C6orf118: variants seen among roughly 807,000 people sequenced by gnomAD.
C6orf118 encodes the protein uncharacterized protein C6orf118.
In C6orf118, 50 loss-of-function variants were observed where a neutral mutation model predicts 50.2. The observed-to-expected ratio is 1.00, with a 90% CI of 0.79 to 1.26. The LOEUF is 1.26. Ranked by LOEUF, C6orf118 falls within the 50% of genes most tolerant of loss-of-function variation. The probability of loss-of-function intolerance (pLI) is 0.00; values close to 1 mark genes in which losing one functional copy is unlikely to be tolerated. For missense variants in C6orf118, 641 were observed against 578.7 expected (o/e 1.11, Z -1.10); for synonymous variants, 239 against 230.9 (o/e 1.03, Z -0.32).
intron 6 of C6orf118, among the ~76,000 whole-genome samples, chr6:165,290,410 G>A (rs1029291615): frequency 6.6e-6 from 1 of 152,058 alleles, no homozygotes; most frequent in Non-Finnish European, 1.5e-5. Flanking sequence ...AGCAGAAGGT[G>A]CAACGGTAAG....
intron 1 of C6orf118, among the ~76,000 whole-genome samples, chr6:165,308,857 A>G (rs1256747468): frequency 3.3e-5 from 5 of 152,198 alleles, no homozygotes; most frequent in African/African-American, 1.2e-4. Flanking sequence ...GCATTCTGAT[A>G]TCACACAATA....
intron 6 of C6orf118, among the ~76,000 whole-genome samples, chr6:165,291,764 C>A (rs1780113516): frequency 6.6e-6 from 1 of 152,156 alleles, no homozygotes; most frequent in Non-Finnish European, 1.5e-5. Flanking sequence ...ATGGAGACAT[C>A]AAGTGATCCA....
chr6:165,302,072 G>T lies in C6orf118; in HGVS notation c.250C>A (p.His84Asn). 6.2e-7 allele frequency: 1 copy of T among 1,613,876 alleles called. No homozygotes were observed. The highest frequency in any genetic ancestry group is 8.5e-7 in the Non-Finnish European group (1 of 1,179,994). ...ETILQHWPNA[H>N]RPKGERASEV... The stretch of plus-strand genomic sequence containing the variant: ...GAGGCGCGCTCCCCCTTGGGCCGGT[G>T]GGCATTGGGCCAGTGCTGTAAGATC... Residue 84 changes from histidine to asparagine, a missense_variant, in exon 2 of 9, where the codon CAC becomes AAC. By Grantham distance (68) the His-to-Asn change is moderately conservative. Coordinates refer to ENST00000230301, the MANE Select transcript of C6orf118 (RefSeq NM_144980.4).
chr6:165,282,942 T>C (rs1203432541), intron 7 of C6orf118, among the ~76,000 whole-genome samples: 1 of 152,196 alleles, frequency 6.6e-6, no homozygotes, highest in Non-Finnish European at 1.5e-5. Context: ...CCATTACTGT[T>C]TTAAAATGCA....
intron 4 of C6orf118, among the ~76,000 whole-genome samples, chr6:165,299,161 G>T (rs1273516038): frequency 6.6e-6 from 1 of 152,194 alleles, no homozygotes; most frequent in Non-Finnish European, 1.5e-5. Flanking sequence ...GTGGTTTTTG[G>T]AAATTACTGG....
chr6:165,303,192 C>A (rs370661995), intron 1 of C6orf118, among the ~76,000 whole-genome samples: 4 of 152,154 alleles, frequency 2.6e-5, no homozygotes, highest in Non-Finnish European at 4.4e-5. Context: ...TCAACCAAGG[C>A]GGCTGAATAC....
At position 165,302,064 on chromosome 6, in the gene C6orf118, G is replaced by A; in HGVS notation, c.258C>T (p.Pro86=). The change falls in exon 2 of 9, where the codon CCC becomes CCT. Residue 86 remains proline (P), a synonymous_variant. Coordinates refer to ENST00000230301, the MANE Select transcript of C6orf118 (RefSeq NM_144980.4). ...CCACCTCAGAGGCGCGCTCCCCCTT[G>A]GGCCGGTGGGCATTGGGCCAGTGCT... ...ILQHWPNAHR[P]KGERASEVGE... is the part of the protein sequence containing the mutation. 1 of 1,613,892 alleles carries A rather than the reference G, an allele frequency of 6.2e-7. No homozygotes were observed. Among genetic ancestry groups the A allele is most frequent in the Non-Finnish European group, 8.5e-7 (1 of 1,179,996 alleles).
At chr6:165,301,522 G>T (rs770965458) in intron 2 of C6orf118, 47 bp downstream of exon 2, 1 of 1,564,648 alleles carries the variant, frequency 6.4e-7, no homozygotes, top group Non-Finnish European at 8.6e-7. Flanking sequence ...CGAGAGCTAT[G>T]CCCTGAGAGC....
chr6:165,295,648 TG>T (rs529858595), intron 5 of C6orf118, among the ~76,000 whole-genome samples: 8,844 of 121,076 alleles, frequency 0.073, 304 homozygotes, highest in Non-Finnish European at 0.092. Context: ...ATTGATTTAT[TG>T]TTTTTTTTTT....
intron 2 of C6orf118, among the ~76,000 whole-genome samples, chr6:165,301,045 C>G (rs1247112597): frequency 1.3e-5 from 2 of 152,168 alleles, no homozygotes; most frequent in Non-Finnish European, 2.9e-5. Flanking sequence ...CTACGAACAT[C>G]TGATTTACTG....
intron 4 of C6orf118, 108 bp from the exon 5 acceptor site, chr6:165,298,209 T>A: frequency 1.5e-6 from 2 of 1,352,262 alleles, no homozygotes; most frequent in Non-Finnish European, 1.9e-6. Context: ...GGTTAACATA[T>A]AAGTTCTAGT....
In C6orf118 at chr6:165,301,752, G is replaced by C; in HGVS notation, c.570C>G (p.Ala190=). The stretch of plus-strand genomic sequence containing the variant: ...GCCGGTCCCTGGTGCCTCTGGACCC[G>C]GCCTCCTGGTAGCACAGCACCTTCA... ...PDLKVLCYQE[A]GSRGTRDRHH... The change falls in exon 2 of 9, where the codon GCC becomes GCG. Residue 190 remains alanine, a synonymous_variant. Transcript: ENST00000230301. The C allele has an allele frequency of 1.2e-6, 2 of 1,614,074 alleles. No individual in the cohort carries two copies. The highest frequency in any genetic ancestry group is 2.2e-5 in the South Asian group (2 of 91,086).
At chr6:165,293,847 CTA>C (rs1421227089) in intron 5 of C6orf118, among the ~76,000 whole-genome samples, 2 of 152,108 alleles carry the variant, frequency 1.3e-5, no homozygotes, top group Non-Finnish European at 2.9e-5. Context: ...ATGTTAAGGG[CTA>C]TGGAAAGACT....
rs371373660 is a variant in C6orf118 at position 165,281,593 on chromosome 6, G to A, written c.1356+47C>T. 3.4e-6 allele frequency: 5 copies of A among 1,478,590 alleles called. No homozygotes were observed. The African/African-American group carries it at 7.2e-5, about 21-fold the overall frequency. The allele number at this position is 1,478,590 out of a possible 1,614,324, so 91.6% of individuals were successfully genotyped here. ...TATTACACAGGACAAGCAGTCACCA[G>A]AGGAAATATTTTTATTGATAAACAT... On this transcript the variant is annotated intron_variant, in intron 8 of 8. Coordinates refer to ENST00000230301, the MANE Select transcript of C6orf118 (RefSeq NM_144980.4).
chr6:165,298,035 T>C lies in C6orf118; in HGVS notation c.1003A>G (p.Arg335Gly). Residue 335 changes from arginine to glycine, a missense_variant, in exon 5 of 9, where the codon AGG becomes GGG. By Grantham distance (125) the Arg-to-Gly change is moderately radical (BLOSUM62 -2). Transcript: ENST00000230301. Reference protein sequence around the residue: ...PVKTADMDLAREELRMLVTAT... With the variant: ...PVKTADMDLAGEELRMLVTAT... ...GTCACGAGCATCCTCAGCTCTTCCC[T>C]GGCGAGATCCATGTCCGCCGTCTTC... 1 of 1,613,900 alleles carries C rather than the reference T, an allele frequency of 6.2e-7. No homozygotes were observed.
At chr6:165,290,575 A>T (rs1780073070) in intron 6 of C6orf118, among the ~76,000 whole-genome samples, 1 of 152,126 alleles carries the variant, frequency 6.6e-6, no homozygotes, top group Non-Finnish European at 1.5e-5. Flanking sequence ...ATTGAGGGAC[A>T]ATCCTAGGAG....
At chr6:165,291,288 T>A (rs1419772659) in intron 6 of C6orf118, among the ~76,000 whole-genome samples, 1 of 152,182 alleles carries the variant, frequency 6.6e-6, no homozygotes, top group East Asian at 1.9e-4. Context: ...TCTGGCAATG[T>A]AGAGAAGGCA....
At chr6:165,286,500 T>G (rs755724366) in intron 7 of C6orf118, among the ~76,000 whole-genome samples, 4 of 151,966 alleles carry the variant, frequency 2.6e-5, no homozygotes, top group Admixed American at 6.6e-5. Context: ...GGCCAATACC[T>G]CTGATGAACA....
At position 165,301,676 on chromosome 6, in the gene C6orf118, T is replaced by C; in HGVS notation, c.646A>G (p.Arg216Gly). 1 of 1,614,166 alleles carries C rather than the reference T, an allele frequency of 6.2e-7. No homozygotes were observed. Among genetic ancestry groups the C allele is most frequent in the Non-Finnish European group, 8.5e-7 (1 of 1,180,020 alleles). The change falls in exon 2 of 9, where the codon AGG (arginine) becomes GGG (glycine). Residue 216 changes from arginine (R) to glycine (G), a missense_variant. Physicochemically the swap from Arg to Gly is moderately radical, Grantham distance 125 (BLOSUM62 -2). Coordinates refer to ENST00000230301, the MANE Select transcript of C6orf118 (RefSeq NM_144980.4). ...LAGATSADRY[R>G]MFLRFQKEVL... ...TCCTTCTGGAAACGCAGGAACATCC[T>C]GTACCTGTCTGCGCTGGTGGCTCCG...
Sources: gnomAD v4.1 joint callset for allele counts (sites outside exome capture counted in the v4.1 genomes callset) on GRCh38, gnomAD v4.1.1 for gene constraint, MANE v1.5 for transcripts, NCBI Gene and HGNC (gene_info 2026-07-23, HGNC 2026-07-21) for gene names.